Variants in MGMT observed in about 807,000 individuals in gnomAD.
MGMT encodes methylated-DNA--protein-cysteine methyltransferase.
In MGMT, 14 loss-of-function variants were observed where a neutral mutation model predicts 15.9. The ratio of observed to expected loss-of-function variants is 0.88; its 90% CI spans 0.58 to 1.37. The LOEUF (loss-of-function observed/expected upper bound fraction) is 1.37. Ranked by LOEUF, MGMT falls within the 40% of genes most tolerant of loss-of-function variation. The pLI is 0.00. For missense variants in MGMT, 282 were observed against 268.1 expected (o/e 1.05, Z -0.36); for synonymous variants, 130 against 118.2 (o/e 1.10, Z -0.65).
intron 1 of MGMT, among the ~76,000 whole-genome samples, chr10:129,508,918 A>G (rs1016830351): frequency 5.9e-5 from 9 of 152,214 alleles, no homozygotes; most frequent in African/African-American, 2.2e-4. Flanking sequence ...AAAAAAGGCA[A>G]AGGTAATATT....
chr10:129,505,117 G>A (rs1227916625), intron 1 of MGMT, among the ~76,000 whole-genome samples: 1 of 152,170 alleles, frequency 6.6e-6, no homozygotes, highest in African/African-American at 2.4e-5. Flanking sequence ...GGAGAATGAA[G>A]TATTGGGAAA....
intron 2 of MGMT, chr10:129,701,585 C>T (rs1204665500): frequency 6.6e-6 from 1 of 152,198 alleles, no homozygotes; most frequent in Non-Finnish European, 1.5e-5. Context: ...AATCTCCCAG[C>T]TGGCTGGTCA....
intron 1 of MGMT, among the ~76,000 whole-genome samples, chr10:129,518,337 T>TACACACACACACACACACACACACACAC (rs61316662): frequency 2.0e-4 from 24 of 119,654 alleles, no homozygotes; most frequent in East Asian, 1.0e-3. Flanking sequence ...TACACACACA[T>TACACACACACACACACACACACACACAC]ACACACACAC....
intron 3 of MGMT, among the ~76,000 whole-genome samples, chr10:129,715,323 G>T (rs142419115): frequency 6.6e-6 from 1 of 152,188 alleles, no homozygotes; most frequent in Non-Finnish European, 1.5e-5. Context: ...GTGTCCTGGC[G>T]TTGGCCTTGA....
At chr10:129,564,631 CCCCTCCTCTGCTTCCTCA>C (rs780339123) in intron 2 of MGMT, among the ~76,000 whole-genome samples, 1 of 74,796 alleles carries the variant, frequency 1.3e-5, no homozygotes, top group Non-Finnish European at 2.8e-5. Flanking sequence ...TCCCCTGCTT[CCCCTCCTCTGCTTCCTCA>C]CCCTCCTCTC....
At position 129,766,788 on chromosome 10, in the gene MGMT, GT is replaced by G. The variant is rs1380673109; in HGVS notation, c.416del (p.Val139AlafsTer26). 1.2e-6 allele frequency: 2 copies of G among 1,611,696 alleles called. No homozygotes were observed. Among genetic ancestry groups the G allele is most frequent in the Admixed American group, 1.7e-5 (1 of 59,918 alleles). ...CAGTGGCTGCCCCCCTGTCTTCCAG[GT>G]CCCCATCCTCATCCCGTGCCACAGA... is the stretch of plus-strand genomic sequence containing the variant. Reference protein sequence around the residue: ...AVGGAMRGNPVPILIPCHRVV... With the variant: ...AVGGAMRGNPXPILIPCHRVV... On this transcript the variant is annotated frameshift_variant and splice_region_variant, in exon 5 of 5. Transcript: ENST00000651593. LOFTEE classifies it low-confidence loss of function (END_TRUNC).
intron 4 of MGMT, among the ~76,000 whole-genome samples, chr10:129,763,507 G>C (rs1477039494): frequency 6.6e-6 from 1 of 152,158 alleles, no homozygotes; most frequent in East Asian, 1.9e-4. Flanking sequence ...CCTGGCCTCT[G>C]CATTGATGTA....
At chr10:129,740,454 G>A (rs139307642) in intron 3 of MGMT, among the ~76,000 whole-genome samples, 10 of 152,274 alleles carry the variant, frequency 6.6e-5, no homozygotes, top group Middle Eastern at 3.4e-3. Context: ...AATGCCTTAC[G>A]AAGGGGGACG....
chr10:129,673,136 G>A (rs775697946), intron 2 of MGMT, among the ~76,000 whole-genome samples: 3 of 152,136 alleles, frequency 2.0e-5, no homozygotes, highest in Admixed American at 6.5e-5. Context: ...TTGCCCCAGG[G>A]CAGTCACCTC....
At chr10:129,599,728 T>C (rs549554889) in intron 2 of MGMT, among the ~76,000 whole-genome samples, 1 of 152,334 alleles carries the variant, frequency 6.6e-6, no homozygotes, top group Admixed American at 6.5e-5. Flanking sequence ...GTTCTATAAC[T>C]GAATGTTTAC....
chr10:129,552,390 C>T (rs927788952), intron 2 of MGMT, among the ~76,000 whole-genome samples: 2 of 152,234 alleles, frequency 1.3e-5, no homozygotes, highest in Non-Finnish European at 2.9e-5. Context: ...TGTGTGCCCC[C>T]GGGCCTGGGC....
intron 2 of MGMT, among the ~76,000 whole-genome samples, chr10:129,597,842 C>T (rs568919392): frequency 4.6e-5 from 7 of 152,200 alleles, no homozygotes; most frequent in South Asian, 4.2e-4. Flanking sequence ...TCTTTGGGGT[C>T]GAAACACAAA....
chr10:129,571,256 C>T (rs1846413897), intron 2 of MGMT, among the ~76,000 whole-genome samples: 2 of 152,068 alleles, frequency 1.3e-5, no homozygotes, highest in South Asian at 4.2e-4. Context: ...ATCAAATCAC[C>T]CAGCCTTCTT....
At chr10:129,542,865 C>T (rs1267338009) in intron 2 of MGMT, among the ~76,000 whole-genome samples, 9 of 152,174 alleles carry the variant, frequency 5.9e-5, no homozygotes, top group African/African-American at 1.9e-4. Context: ...TGTTGCCTCC[C>T]GTTTCTGCCT....
intron 1 of MGMT, among the ~76,000 whole-genome samples, chr10:129,499,187 T>G (rs1845551608): frequency 6.6e-6 from 1 of 152,238 alleles, no homozygotes. Context: ...AAAGCCCTAC[T>G]TGTGAAGAAC....
At chr10:129,555,698 G>C (rs565204331) in intron 2 of MGMT, among the ~76,000 whole-genome samples, 2 of 152,004 alleles carry the variant, frequency 1.3e-5, no homozygotes, top group African/African-American at 4.8e-5. Flanking sequence ...CTGGGCAACA[G>C]AGTGAGACCC....
chr10:129,669,991 T>C (rs1589926605), intron 2 of MGMT, among the ~76,000 whole-genome samples: 1 of 152,150 alleles, frequency 6.6e-6, no homozygotes, highest in Non-Finnish European at 1.5e-5. Context: ...ACCTGAACCA[T>C]AAAAATTGCA....
chr10:129,489,443 AT>A lies in MGMT; in HGVS notation c.-13+22149del, dbSNP rs376523062. Among the ~76,000 whole-genome samples, 210 of 143,858 alleles carry A rather than the reference AT, an allele frequency of 1.5e-3. 1 individual carries two copies. The highest frequency in any genetic ancestry group is 4.6e-3 in the African/African-American group (178 of 38,758). 94.4% of individuals were successfully genotyped at this position (143,858 alleles called of 152,430 possible). A position where few individuals can be genotyped will look rare whatever the true frequency, so the allele number is the denominator to read the frequency against. ...CATTTTCCTCTTCAGGAGTTTCTTG[AT>A]TCTTTTGGGGCCTTTGCTCATCCAT... On this transcript the variant is annotated intron_variant, in intron 1 of 4. Coordinates refer to ENST00000651593, the MANE Select transcript of MGMT (RefSeq NM_002412.5).
At chr10:129,600,323 C>T (rs941227921) in intron 2 of MGMT, among the ~76,000 whole-genome samples, 9 of 152,164 alleles carry the variant, frequency 5.9e-5, no homozygotes, top group South Asian at 2.1e-4. Context: ...CCTTTGTCTC[C>T]GAGCCACATG....
Sources: gnomAD v4.1 joint callset for allele counts (sites outside exome capture counted in the v4.1 genomes callset) on GRCh38, gnomAD v4.1.1 for gene constraint, MANE v1.5 for transcripts, NCBI Gene and HGNC (gene_info 2026-07-23, HGNC 2026-07-21) for gene names.